The following FAM83G variants were observed in gnomAD, a reference collection of about 807,000 sequenced individuals.
The protein encoded by FAM83G is protein FAM83G.
FAM83G carries 38 observed loss-of-function variants against 61.5 expected under a neutral mutation model. The ratio of observed to expected loss-of-function variants is 0.62; its 90% CI spans 0.48 to 0.81. The LOEUF (loss-of-function observed/expected upper bound fraction) is 0.81. FAM83G is among the 30% of genes least tolerant of loss of function. The pLI is 0.00. For synonymous variants in FAM83G, 470 were observed against 476.1 expected, an observed-to-expected ratio of 0.99 and a Z score of 0.17; for missense variants, 989 against 1,133.6, an observed-to-expected ratio of 0.87 and a Z score of 1.83.
In FAM83G at chr17:18,988,338, T is replaced by A. The variant is rs747380295; in HGVS notation, c.599A>T (p.Lys200Ile). ...KDLLDAGFKRKVAVYIIVDES... is the reference protein window; with the variant it reads ...KDLLDAGFKRIVAVYIIVDES... The stretch of plus-strand genomic sequence containing the variant: ...ATCCACGATGATGTACACGGCCACT[T>A]TCCTCTTGAAGCCGGCGTCCAGCAG... Residue 200 changes from lysine (K) to isoleucine (I), a missense_variant, in exon 3 of 6, where the codon AAA becomes ATA. This residue lies in a region of FAM83G where 371 missense variants were observed against 404.5 expected (regional missense o/e 0.92). Coordinates refer to ENST00000388995, the MANE Select transcript of FAM83G (RefSeq NM_001039999.3). 6.2e-7 allele frequency: 1 copy of A among 1,614,222 alleles called. No homozygotes were observed. Among genetic ancestry groups the A allele is most frequent in the South Asian group, 1.1e-5 (1 of 91,082 alleles).
At chr17:18,991,272 A>G (rs964095327) in intron 2 of FAM83G, among the ~76,000 whole-genome samples, 2 of 152,128 alleles carry the variant, frequency 1.3e-5, no homozygotes, top group Non-Finnish European at 2.9e-5. Flanking sequence ...AACAAGACCA[A>G]CTGGCTTGGT....
Position 18,969,641 on chromosome 17 carries a change from G to C in FAM83G, c.*1718C>G, listed in dbSNP as rs535925613. ...TAGAGGCTACCCACCCTGCTGCCCC[G>C]CTGTTACCAGCTCTGGCCCTGGCAA... On this transcript the variant is annotated 3_prime_UTR_variant, in exon 6 of 6. Coordinates refer to ENST00000388995, the MANE Select transcript of FAM83G (RefSeq NM_001039999.3). 8.0e-6 allele frequency: 4 copies of C among 502,316 alleles called. No individual in the cohort carries two copies. The highest frequency in any genetic ancestry group is 3.4e-5 in the South Asian group (1 of 29,074). 31.1% of individuals were successfully genotyped at this position (502,316 alleles called of 1,614,324 possible). A position where few individuals can be genotyped will look rare whatever the true frequency, so the allele number is the denominator to read the frequency against.
intron 2 of FAM83G, among the ~76,000 whole-genome samples, chr17:18,993,937 C>T (rs183426670): frequency 1.8e-4 from 27 of 152,324 alleles, no homozygotes; most frequent in Admixed American, 1.3e-3. Flanking sequence ...GATCCACAAA[C>T]GGCAGCTGCA....
Position 19,004,314 on chromosome 17 carries a change from A to T in FAM83G, c.-128-145T>A. On this transcript the variant is annotated intron_variant, in intron 1 of 5. Coordinates refer to ENST00000388995, the MANE Select transcript of FAM83G (RefSeq NM_001039999.3). This position sits in a 1 kb window ranked among gnomAD's most constrained non-coding sequence, Gnocchi z 5.4. ...TGGGAAGATGAGGTGGGGGCACTGG[A>T]CTGGGATGGGAAGAAAGTAAGGGAT... 2.3e-6 allele frequency: 1 copy of T among 432,832 alleles called. No homozygotes were observed. The highest frequency in any genetic ancestry group is 4.5e-5 in the East Asian group (1 of 22,116). 26.8% of individuals were successfully genotyped at this position (432,832 alleles called of 1,614,324 possible).
intron 3 of FAM83G, among the ~76,000 whole-genome samples, chr17:18,982,297 C>T (rs913354607): frequency 5.9e-5 from 9 of 152,208 alleles, no homozygotes; most frequent in African/African-American, 2.2e-4. Context: ...GGCCCCCCAC[C>T]TCTTGCCTCA....
chr17:18,990,814 C>G (rs559447664), intron 2 of FAM83G, among the ~76,000 whole-genome samples: 1 of 152,336 alleles, frequency 6.6e-6, no homozygotes, highest in South Asian at 2.1e-4. Context: ...CCCCAGGCAA[C>G]CCCCAACAGC....
chr17:18,977,084 T>G (rs764984495), intron 5 of FAM83G: 4 of 1,546,240 alleles, frequency 2.6e-6, no homozygotes, highest in Non-Finnish European at 3.5e-6. Flanking sequence ...AGGCAAAGGA[T>G]AGATGTGAAC....
At chr17:18,989,889 G>C (rs1275190085) in intron 2 of FAM83G, among the ~76,000 whole-genome samples, 1 of 152,200 alleles carries the variant, frequency 6.6e-6, no homozygotes, top group Non-Finnish European at 1.5e-5. Context: ...TCAGGTCAGG[G>C]TTGGTCTCCA....
rs568408635 is a variant in FAM83G, at chr17:19,004,073, G to T, written c.-32C>A. Reference sequence around the variant, plus strand: ...GCCTGCCCGGGCACTGCTGCCGGGGGTGGGTGGGCAAGGTCCAGCTCCTAG... The same window carrying T: ...GCCTGCCCGGGCACTGCTGCCGGGGTTGGGTGGGCAAGGTCCAGCTCCTAG... On this transcript the variant is annotated 5_prime_UTR_variant, in exon 2 of 6. Transcript: ENST00000388995. The surrounding 1 kb of genome is among the most constrained non-coding windows in gnomAD (Gnocchi z 5.4). 1.1e-5 allele frequency: 17 copies of T among 1,553,246 alleles called. No individual in the cohort carries two copies. The Admixed American group carries it at 3.0e-4, about 27-fold the overall frequency.
Position 18,989,982 on chromosome 17 carries a change from C to T in FAM83G, c.523-1568G>A, listed in dbSNP as rs561776448. Among the ~76,000 whole-genome samples the T allele has an allele frequency of 3.5e-4, 54 of 152,332 alleles. No homozygotes were observed. In the South Asian group the frequency reaches 6.4e-3, roughly 18 times the overall value. ...GCGGACAGCGGAGGTGTGGGACCAG[C>T]TGGGACTCCCAGAACTCCAAGGCCT... On this transcript the variant is annotated intron_variant, in intron 2 of 5. Transcript: ENST00000388995.
intron 3 of FAM83G, among the ~76,000 whole-genome samples, chr17:18,982,193 G>A (rs2043155679): frequency 6.6e-6 from 1 of 152,216 alleles, no homozygotes; most frequent in Admixed American, 6.5e-5. Flanking sequence ...GGCCCTTGCT[G>A]GGCCTTAGTC....
At chr17:18,977,084 T>C (rs764984495) in intron 5 of FAM83G, 3 of 1,546,240 alleles carry the variant, frequency 1.9e-6, no homozygotes, top group East Asian at 2.3e-5. Flanking sequence ...AGGCAAAGGA[T>C]AGATGTGAAC....
At chr17:18,972,745 C>A (rs1344874258) in intron 5 of FAM83G, among the ~76,000 whole-genome samples, 1 of 152,052 alleles carries the variant, frequency 6.6e-6, no homozygotes, top group Non-Finnish European at 1.5e-5. Context: ...GCCTGTAGTC[C>A]CAGCTACTCG....
intron 2 of FAM83G, among the ~76,000 whole-genome samples, chr17:18,998,291 G>A (rs2043618298): frequency 6.6e-6 from 1 of 152,224 alleles, no homozygotes; most frequent in South Asian, 2.1e-4. Context: ...TCAAGACAAG[G>A]CCTGATCCCC....
At chr17:18,987,242 TACCCC>T (rs2043293189) in intron 3 of FAM83G, among the ~76,000 whole-genome samples, 1 of 152,226 alleles carries the variant, frequency 6.6e-6, no homozygotes, top group Admixed American at 6.5e-5. Context: ...AGCAGGCCTC[TACCCC>T]ACTATCTTTA....
chr17:18,990,788 G>C (rs1016154172), intron 2 of FAM83G, among the ~76,000 whole-genome samples: 2 of 56,340 alleles, frequency 3.5e-5, no homozygotes, highest in South Asian at 8.6e-4. Flanking sequence ...GGATGGGGAG[G>C]GGGAGCCTGG....
chr17:18,980,598 C>A (rs1309968815), intron 3 of FAM83G, among the ~76,000 whole-genome samples: 1 of 152,170 alleles, frequency 6.6e-6, no homozygotes, highest in African/African-American at 2.4e-5. Flanking sequence ...TGACTTCCCT[C>A]CCCCAGGTAG....
chr17:18,973,707 C>CT (rs1262746111), intron 5 of FAM83G, among the ~76,000 whole-genome samples: 3 of 151,554 alleles, frequency 2.0e-5, no homozygotes, highest in Non-Finnish European at 4.4e-5. Flanking sequence ...GGGTGTTTTG[C>CT]TTTTTTTTAA....
intron 2 of FAM83G, among the ~76,000 whole-genome samples, chr17:18,990,581 G>A (rs1428524796): frequency 6.6e-6 from 1 of 152,050 alleles, no homozygotes; most frequent in Admixed American, 6.5e-5. Flanking sequence ...AGCAGGACCC[G>A]CACCATGTGC....
Sources: gnomAD v4.1 joint callset for allele counts (sites outside exome capture counted in the v4.1 genomes callset) on GRCh38, gnomAD v4.1.1 for gene constraint, gnomAD v4.1.1 regional missense constraint, Gnocchi (gnomAD v3.1) non-coding constraint, MANE v1.5 for transcripts, NCBI Gene and HGNC (gene_info 2026-07-23, HGNC 2026-07-21) for gene names.